The following CDH13 variants were observed in gnomAD, a reference collection of about 807,000 sequenced individuals.
CDH13 encodes cadherin-13.
A neutral mutation model predicts 63.8 loss-of-function variants in CDH13; 24 were observed. The ratio of observed to expected loss-of-function variants is 0.38; its 90% confidence interval spans 0.27 to 0.53. The LOEUF (loss-of-function observed/expected upper bound fraction) is 0.53, where lower values mean the gene tolerates loss of function less well. Ranked by LOEUF, CDH13 falls within the 20% of genes least tolerant of loss-of-function variation. CDH13 has a pLI of 0.85. For missense variants in CDH13, 1,049 were observed against 903.1 expected, an observed-to-expected ratio of 1.16 and a Z score of -2.07; for synonymous variants, 503 against 355.3, an observed-to-expected ratio of 1.42 and a Z score of -4.67.
At chr16:83,048,422 A>C (rs1255060654) in intron 3 of CDH13, among the ~76,000 whole-genome samples, 2 of 151,960 alleles carry the variant, frequency 1.3e-5, no homozygotes, top group Non-Finnish European at 2.9e-5. Context: ...ACCTGTGCCA[A>C]CTCCCTCTCT....
At chr16:83,624,543 G>C (rs1910108404) in intron 8 of CDH13, among the ~76,000 whole-genome samples, 1 of 152,048 alleles carries the variant, frequency 6.6e-6, no homozygotes. Flanking sequence ...TCACAATAAG[G>C]TTTCCGTTCC....
intron 4 of CDH13, among the ~76,000 whole-genome samples, chr16:83,140,312 A>T (rs1294105334): frequency 6.6e-6 from 1 of 152,190 alleles, no homozygotes; most frequent in Non-Finnish European, 1.5e-5. Flanking sequence ...AATGTCTCAG[A>T]AACCTTCTTC....
At chr16:82,670,124 G>C (rs1913064910) in intron 1 of CDH13, among the ~76,000 whole-genome samples, 1 of 152,202 alleles carries the variant, frequency 6.6e-6, no homozygotes, top group Non-Finnish European at 1.5e-5. Flanking sequence ...GGGGCTTCAG[G>C]TTGGACTGCC....
chr16:83,533,980 A>G (rs1198160338), intron 7 of CDH13, among the ~76,000 whole-genome samples: 1 of 152,176 alleles, frequency 6.6e-6, no homozygotes, highest in Non-Finnish European at 1.5e-5. Context: ...TCAAGGCAAA[A>G]TTCACATGAC....
rs114794952 is a variant in CDH13, at chr16:82,757,230, C to G, written c.46-101132C>G. On this transcript the variant is annotated intron_variant, in intron 1 of 13. Coordinates refer to ENST00000567109, the MANE Select transcript of CDH13 (RefSeq NM_001257.5). ...CACTTTTCACCACCTTTCCATGCCC[C>G]TGGATCCTTGTTCAGATTTGGCTTG... Among the ~76,000 whole-genome samples the G allele has an allele frequency of 5.3e-3, 807 of 152,296 alleles. 12 individuals are homozygous for G. Among genetic ancestry groups the G allele is most frequent in the African/African-American group, 0.017 (722 of 41,572 alleles).
chr16:83,763,016 C>G (rs1250116921), intron 11 of CDH13, among the ~76,000 whole-genome samples: 1 of 152,222 alleles, frequency 6.6e-6, no homozygotes, highest in African/African-American at 2.4e-5. Context: ...CAAACCATCT[C>G]TACGGGGCCC....
chr16:83,484,631 T>C (rs2073845791), intron 6 of CDH13, among the ~76,000 whole-genome samples: 1 of 152,240 alleles, frequency 6.6e-6, no homozygotes, highest in South Asian at 2.1e-4. Context: ...GCCAACATCT[T>C]TCCCGATGAC....
chr16:83,502,421 G>T (rs2074303446), intron 7 of CDH13, among the ~76,000 whole-genome samples: 2 of 152,124 alleles, frequency 1.3e-5, no homozygotes, highest in Non-Finnish European at 2.9e-5. Context: ...GAGAAATTCA[G>T]AAGGATTGCA....
At position 83,031,245 on chromosome 16, in the gene CDH13, GCGCA is replaced by G. The variant is rs1383669461; in HGVS notation, c.158-764_158-761del. Among the ~76,000 whole-genome samples, 26 of 146,094 alleles carry G rather than the reference GCGCA, an allele frequency of 1.8e-4. 1 individual carries two copies. The highest frequency in any genetic ancestry group is 5.2e-4 in the African/African-American group (21 of 40,078). ...ATGCGCATGTATACACCATATACAT[GCGCA>G]TGTATACACCATATACATGCGCATG... On this transcript the variant is annotated intron_variant, in intron 2 of 13. Transcript: ENST00000567109.
At chr16:83,086,059 A>T (rs1160142802) in intron 3 of CDH13, among the ~76,000 whole-genome samples, 1 of 152,210 alleles carries the variant, frequency 6.6e-6, no homozygotes, top group Non-Finnish European at 1.5e-5. Context: ...AGAACAAACA[A>T]GGCACCAGGG....
At chr16:83,770,997 G>A (rs1382304766) in intron 11 of CDH13, among the ~76,000 whole-genome samples, 1 of 152,092 alleles carries the variant, frequency 6.6e-6, no homozygotes, top group Non-Finnish European at 1.5e-5. Flanking sequence ...ACACACTAAT[G>A]TTAGAGCACC....
At chr16:82,688,613 A>T (rs908389857) in intron 1 of CDH13, among the ~76,000 whole-genome samples, 1 of 152,228 alleles carries the variant, frequency 6.6e-6, no homozygotes, top group African/African-American at 2.4e-5. Flanking sequence ...TCATCTGATG[A>T]CATGCTTCTT....
intron 12 of CDH13, among the ~76,000 whole-genome samples, chr16:83,781,246 A>T (rs553805867): frequency 6.6e-6 from 1 of 152,216 alleles, no homozygotes; most frequent in Non-Finnish European, 1.5e-5. Flanking sequence ...GTATCCCTAT[A>T]TCCACAATCT....
intron 1 of CDH13, among the ~76,000 whole-genome samples, chr16:82,729,384 A>G (rs2033275587): frequency 6.6e-6 from 1 of 152,166 alleles, no homozygotes; most frequent in Non-Finnish European, 1.5e-5. Flanking sequence ...GGGCTGCGCA[A>G]TAGATGTTAC....
chr16:83,453,745 ATCCACCATGTATC>A (rs11270509), intron 6 of CDH13, among the ~76,000 whole-genome samples: 149,343 of 151,944 alleles, frequency 0.98, 73,440 homozygotes, highest in Middle Eastern at 1. Flanking sequence ...GAAACTCTTT[ATCCACCATGTATC>A]TCCACCATGT....
intron 7 of CDH13, among the ~76,000 whole-genome samples, chr16:83,560,905 C>CA (rs957675451): frequency 3.3e-5 from 5 of 151,992 alleles, no homozygotes; most frequent in Admixed American, 6.6e-5. Flanking sequence ...GTTGGCCCCC[C>CA]CCCCGCCCCA....
At chr16:83,634,082 A>G (rs1911019776) in intron 8 of CDH13, among the ~76,000 whole-genome samples, 2 of 151,168 alleles carry the variant, frequency 1.3e-5, no homozygotes, top group South Asian at 4.2e-4. Context: ...TATTAACCAG[A>G]CCTCACGAAG....
chr16:83,032,379 C>A (rs936652332), intron 3 of CDH13, 161 bp downstream of exon 3: 4 of 606,418 alleles, frequency 6.6e-6, no homozygotes, highest in Non-Finnish European at 1.2e-5. Context: ...AGATGAGGGG[C>A]AGCGGGAATT....
In CDH13 at chr16:83,673,745, C is replaced by T. The variant is rs12444779; in HGVS notation, c.1284+2773C>T. Among the ~76,000 whole-genome samples the T allele has an allele frequency of 9.2e-3, 1,395 of 152,324 alleles. 80 individuals are homozygous for T. In the East Asian group the frequency reaches 0.17, roughly 19 times the overall value. On this transcript the variant is annotated intron_variant, in intron 9 of 13. Coordinates refer to ENST00000567109, the MANE Select transcript of CDH13 (RefSeq NM_001257.5). Reference sequence around the variant, plus strand: ...GCAGATTTCTGGGCTTGCCCCAGACCTGCTGTGTCAGAATATGAGAGAGAG... The same window carrying T: ...GCAGATTTCTGGGCTTGCCCCAGACTTGCTGTGTCAGAATATGAGAGAGAG...
Sources: allele counts gnomAD v4.1 joint callset (sites outside exome capture counted in the v4.1 genomes callset), GRCh38; gene constraint gnomAD v4.1.1; transcripts MANE v1.5; gene names NCBI Gene and HGNC (gene_info 2026-07-23, HGNC 2026-07-21).